The following PCDHGB5 variants were observed in gnomAD, a reference collection of about 807,000 sequenced individuals.
The protein encoded by PCDHGB5 is protocadherin gamma subfamily B, 5.
In PCDHGB5, 48 loss-of-function variants were observed where a neutral mutation model predicts 62.9. That is an observed-to-expected ratio of 0.76 (90% CI 0.61 to 0.97). PCDHGB5 has a LOEUF of 0.97. Ranked by LOEUF, PCDHGB5 falls within the 50% of genes least tolerant of loss-of-function variation. PCDHGB5 has a pLI of 0.00. For synonymous variants in PCDHGB5, 474 were observed against 511.2 expected (o/e 0.93, Z 0.98); for missense variants, 1,118 against 1,198.6 (o/e 0.93, Z 0.99).
intron 1 of PCDHGB5, among the ~76,000 whole-genome samples, chr5:141,450,782 C>T (rs1012152203): frequency 2.0e-5 from 3 of 151,350 alleles, no homozygotes; most frequent in East Asian, 1.9e-4. Flanking sequence ...CCACCGTGCC[C>T]GGACCTCATG....
At chr5:141,417,117 C>A (rs1199474234) in intron 1 of PCDHGB5, 3 of 151,748 alleles carry the variant, frequency 2.0e-5, no homozygotes, top group Non-Finnish European at 4.4e-5. Context: ...TACAGGACAC[C>A]CTGGATGATG....
Position 141,487,246 on chromosome 5 carries a change from C to T in PCDHGB5, c.2398-7561C>T. 1 of 1,614,166 alleles carries T rather than the reference C, an allele frequency of 6.2e-7. No individual in the cohort carries two copies. The highest frequency in any genetic ancestry group is 8.5e-7 in the Non-Finnish European group (1 of 1,180,014). ...GGGAAGGAGAATCTCGTCTAACCCTCTACTTGGCTGTGTCCCTAGTGGCAA... is the reference window on the plus strand; with the variant it reads ...GGGAAGGAGAATCTCGTCTAACCCTTTACTTGGCTGTGTCCCTAGTGGCAA... On this transcript the variant is annotated intron_variant, in intron 1 of 3. Coordinates refer to ENST00000617380, the MANE Select transcript of PCDHGB5 (RefSeq NM_018925.3). This position sits in a 1 kb window ranked among gnomAD's most constrained non-coding sequence, Gnocchi z 5.0.
At chr5:141,456,220 T>C (rs965297694) in intron 1 of PCDHGB5, among the ~76,000 whole-genome samples, 1 of 152,098 alleles carries the variant, frequency 6.6e-6, no homozygotes, top group Admixed American at 6.6e-5. Context: ...TGTGGCGATA[T>C]CAAACTAACT....
chr5:141,406,406 C>T (rs976555739), intron 1 of PCDHGB5, among the ~76,000 whole-genome samples: 18 of 152,174 alleles, frequency 1.2e-4, no homozygotes, highest in Non-Finnish European at 1.8e-4. Context: ...CTTAGAGAAA[C>T]AGCTGAAAGC....
At chr5:141,408,844 C>G (rs1359968983) in intron 1 of PCDHGB5, 1 of 1,613,634 alleles carries the variant, frequency 6.2e-7, no homozygotes, top group South Asian at 1.1e-5. Context: ...TATTGACTGC[C>G]TTGGACGGAG....
chr5:141,410,719 A>G, intron 1 of PCDHGB5: 3 of 1,407,980 alleles, frequency 2.1e-6, no homozygotes, highest in Non-Finnish European at 2.9e-6. Context: ...TCATATGTTT[A>G]AAATCCATAG....
chr5:141,458,593 C>T (rs1352799952), intron 1 of PCDHGB5, among the ~76,000 whole-genome samples: 4 of 151,402 alleles, frequency 2.6e-5, no homozygotes, highest in Non-Finnish European at 5.9e-5. Flanking sequence ...GTTTTGGAGA[C>T]GAGTCTCACT....
chr5:141,422,699 C>G (rs765368737), intron 1 of PCDHGB5: 2 of 1,603,420 alleles, frequency 1.2e-6, no homozygotes, highest in South Asian at 1.1e-5. Context: ...GTCACTTACT[C>G]TCTGACGGAT....
intron 1 of PCDHGB5, chr5:141,421,935 A>G: frequency 6.2e-7 from 1 of 1,613,514 alleles, no homozygotes; most frequent in East Asian, 2.2e-5. Context: ...TCCTCGATGT[A>G]AATGATCACA....
intron 1 of PCDHGB5, among the ~76,000 whole-genome samples, chr5:141,463,239 C>G (rs1012919667): frequency 1.3e-5 from 2 of 151,950 alleles, no homozygotes; most frequent in African/African-American, 4.8e-5. Context: ...CTTTGTGTAG[C>G]TCCATTCTCT....
rs1589320809 is a variant in PCDHGB5, at chr5:141,398,163, G to A, written c.36G>A (p.Glu12=). 6 of 1,482,244 alleles carry A rather than the reference G, an allele frequency of 4.0e-6. No homozygotes were observed. The Admixed American group carries it at 1.0e-4, about 26-fold the overall frequency. The allele number at this position is 1,482,244 out of a possible 1,614,324, so 91.8% of individuals were successfully genotyped here. A position where few individuals can be genotyped will look rare whatever the true frequency, so the allele number is the denominator to read the frequency against. ...GSGAGELGRA[E]RLPVLFLFLL... Reference sequence around the variant, plus strand: ...GCGCCGGGGAGCTGGGCCGGGCTGAGAGGCTGCCAGTGCTCTTTCTCTTCC... The same window carrying A: ...GCGCCGGGGAGCTGGGCCGGGCTGAAAGGCTGCCAGTGCTCTTTCTCTTCC... Residue 12 remains glutamate (E), a synonymous_variant, in exon 1 of 4, where the codon GAG becomes GAA. Transcript: ENST00000617380.
intron 3 of PCDHGB5, among the ~76,000 whole-genome samples, chr5:141,508,620 G>A (rs1017391751): frequency 2.0e-5 from 3 of 152,070 alleles, no homozygotes; most frequent in East Asian, 1.9e-4. Context: ...GACGTGGGTG[G>A]GCCGAGCTTC....
intron 1 of PCDHGB5, chr5:141,478,684 T>C: frequency 6.4e-7 from 1 of 1,551,340 alleles, no homozygotes; most frequent in Non-Finnish European, 8.7e-7. Flanking sequence ...TGGCCCTTCC[T>C]AGATCAAAGT....
intron 1 of PCDHGB5, chr5:141,418,506 ATGG>A (rs2096264933): frequency 6.2e-7 from 1 of 1,613,860 alleles, no homozygotes; most frequent in African/African-American, 1.3e-5. Context: ...ACCGCCTTAG[ATGG>A]TGGGGACCCT....
intron 1 of PCDHGB5, chr5:141,422,576 CTCCCGTTTT>C: frequency 6.2e-7 from 1 of 1,614,034 alleles, no homozygotes; most frequent in African/African-American, 1.3e-5. Context: ...AACGATAACC[CTCCCGTTTT>C]TCCTCACTCC....
intron 1 of PCDHGB5, chr5:141,403,432 G>A: frequency 1.2e-6 from 2 of 1,614,018 alleles, no homozygotes; most frequent in Non-Finnish European, 1.7e-6. Flanking sequence ...CTATTGATCC[G>A]GATGTTGGCG....
At chr5:141,494,326 G>C (rs2154591458) in intron 1 of PCDHGB5, among the ~76,000 whole-genome samples, 1 of 152,312 alleles carries the variant, frequency 6.6e-6, no homozygotes, top group Middle Eastern at 3.4e-3. Context: ...GGCACCAAAA[G>C]GGTTACCAAG....
intron 1 of PCDHGB5, chr5:141,408,319 G>T: frequency 6.2e-7 from 1 of 1,613,896 alleles, no homozygotes; most frequent in Non-Finnish European, 8.5e-7. Context: ...CGATTCCGGA[G>T]GAGCTGGCCA....
chr5:141,414,615 G>T, intron 1 of PCDHGB5: 1 of 1,613,962 alleles, frequency 6.2e-7, no homozygotes, highest in Non-Finnish European at 8.5e-7. Flanking sequence ...CAGTGACAGC[G>T]CTGGACCCGG....
Sources: gnomAD v4.1 joint callset for allele counts (sites outside exome capture counted in the v4.1 genomes callset) on GRCh38, gnomAD v4.1.1 for gene constraint, Gnocchi (gnomAD v3.1) non-coding constraint, MANE v1.5 for transcripts, NCBI Gene and HGNC (gene_info 2026-07-23, HGNC 2026-07-21) for gene names.